Variants in SEMA3A observed in about 807,000 individuals in gnomAD.
The protein encoded by SEMA3A is semaphorin 3A.
SEMA3A carries 29 observed loss-of-function variants against 97.9 expected under a neutral mutation model. The ratio of observed to expected loss-of-function variants is 0.30; its 90% confidence interval spans 0.22 to 0.40. The LOEUF is 0.40. Among genes scored for constraint, SEMA3A ranks in the 10% least tolerant of loss-of-function variants. The pLI is 1.00. For synonymous variants in SEMA3A, 321 were observed against 323.7 expected, an observed-to-expected ratio of 0.99 and a Z score of 0.09; for missense variants, 763 against 951.3, an observed-to-expected ratio of 0.80 and a Z score of 2.60.
chr7:83,979,428 G>C (rs1337002279), intron 14 of SEMA3A, among the ~76,000 whole-genome samples: 2 of 151,986 alleles, frequency 1.3e-5, no homozygotes, highest in African/African-American at 4.8e-5. Flanking sequence ...CACGGTGTCG[G>C]GCTGAATTCC....
chr7:84,320,769 G>A (rs1292723851), intron 2 of SEMA3A, among the ~76,000 whole-genome samples: 1 of 152,052 alleles, frequency 6.6e-6, no homozygotes, highest in Non-Finnish European at 1.5e-5. Context: ...TGAGAGAGCA[G>A]GAGATTTGAA....
At chr7:84,471,759 C>A (rs1159571164) in intron 1 of SEMA3A, among the ~76,000 whole-genome samples, 1 of 152,202 alleles carries the variant, frequency 6.6e-6, no homozygotes, top group East Asian at 1.9e-4. Flanking sequence ...TCTAAACCAT[C>A]CATATTTCTG....
intron 1 of SEMA3A, among the ~76,000 whole-genome samples, chr7:84,468,393 C>T (rs759811520): frequency 4.6e-5 from 7 of 152,130 alleles, no homozygotes; most frequent in Non-Finnish European, 7.4e-5. Flanking sequence ...ATGGTTATAA[C>T]TACACTCCAT....
At chr7:84,335,584 GATC>G (rs1376185655) in intron 2 of SEMA3A, among the ~76,000 whole-genome samples, 1 of 152,086 alleles carries the variant, frequency 6.6e-6, no homozygotes, top group East Asian at 1.9e-4. Context: ...TTGGGAATTT[GATC>G]ATGTTATTTT....
intron 1 of SEMA3A, among the ~76,000 whole-genome samples, chr7:84,476,869 C>T (rs976806306): frequency 5.9e-5 from 9 of 151,528 alleles, no homozygotes; most frequent in South Asian, 2.1e-4. Flanking sequence ...GACATAACTA[C>T]GATTATTAAT....
chr7:84,345,068 G>C (rs1030569797), intron 2 of SEMA3A, among the ~76,000 whole-genome samples: 5 of 152,070 alleles, frequency 3.3e-5, no homozygotes, highest in Non-Finnish European at 7.3e-5. Context: ...GAAATATTGA[G>C]AGTTCAGTTC....
intron 3 of SEMA3A, among the ~76,000 whole-genome samples, chr7:84,295,238 C>T (rs1251368303): frequency 6.6e-6 from 1 of 151,830 alleles, no homozygotes; most frequent in Admixed American, 6.6e-5. Flanking sequence ...TCTCTTGGTT[C>T]AAAATAGACA....
chr7:84,208,447 CA>C (rs962258668), intron 3 of SEMA3A, among the ~76,000 whole-genome samples: 246 of 138,104 alleles, frequency 1.8e-3, no homozygotes, highest in African/African-American at 5.2e-3. Context: ...GACTCCGTCT[CA>C]AAAAAAAAAA....
rs1788277887 is a variant in SEMA3A at position 83,956,391 on chromosome 7, ATTTATTTGTAGAAT to A, written c.*4966_*4979del. ...CTGATGAAGTTAGCTTCCTCTAAATATTTATTTGTAGAATTCAGAGTTTCAGCTGACCTGTGCTG... is the reference window on the plus strand; with the variant it reads ...CTGATGAAGTTAGCTTCCTCTAAATATCAGAGTTTCAGCTGACCTGTGCTG... On this transcript the variant is annotated 3_prime_UTR_variant, in exon 17 of 17. Transcript: ENST00000265362. 1 of 152,120 alleles carries A rather than the reference ATTTATTTGTAGAAT, an allele frequency of 6.6e-6. No homozygotes were observed. The highest frequency in any genetic ancestry group is 2.4e-5 in the African/African-American group (1 of 41,416). 9.4% of individuals were successfully genotyped at this position (152,120 alleles called of 1,614,324 possible).
rs1798370034 is a variant in SEMA3A at position 84,201,993 on chromosome 7, A to G, written c.-82-7325T>C. Among the ~76,000 whole-genome samples, 5 of 152,190 alleles carry G rather than the reference A, an allele frequency of 3.3e-5. No individual in the cohort carries two copies. The South Asian group carries it at 8.3e-4, about 25-fold the overall frequency. Reference sequence around the variant, plus strand: ...TCCCAATGCAATTGTGTTCTCACATACACTTTGCCATCTCAACTAAAGCTT... The same window carrying G: ...TCCCAATGCAATTGTGTTCTCACATGCACTTTGCCATCTCAACTAAAGCTT... On this transcript the variant is annotated intron_variant, in intron 3 of 3. Transcript: ENST00000424555.
intron 2 of SEMA3A, among the ~76,000 whole-genome samples, chr7:84,307,717 C>T (rs1010513835): frequency 3.9e-5 from 6 of 152,160 alleles, no homozygotes; most frequent in Admixed American, 3.9e-4. Context: ...GCAGTAATTT[C>T]ATGACACTGT....
chr7:84,400,960 C>A (rs925395718), intron 1 of SEMA3A, among the ~76,000 whole-genome samples: 1 of 152,058 alleles, frequency 6.6e-6, no homozygotes, highest in Non-Finnish European at 1.5e-5. Flanking sequence ...AGAACTGGAA[C>A]AAGAAAAGGT....
At chr7:84,002,802 TAG>T (rs1491129259) in intron 11 of SEMA3A, among the ~76,000 whole-genome samples, 1 of 151,922 alleles carries the variant, frequency 6.6e-6, no homozygotes, top group South Asian at 2.1e-4. Context: ...ATGCATTTTA[TAG>T]AGATTTCAAA....
At chr7:84,282,203 G>A (rs1283778883) in intron 3 of SEMA3A, among the ~76,000 whole-genome samples, 6 of 151,908 alleles carry the variant, frequency 3.9e-5, no homozygotes, top group Non-Finnish European at 8.8e-5. Flanking sequence ...ATGATTTTTA[G>A]TCACTGCTGG....
At chr7:84,374,218 ATG>A (rs1803045203) in intron 1 of SEMA3A, among the ~76,000 whole-genome samples, 1 of 152,220 alleles carries the variant, frequency 6.6e-6, no homozygotes. Context: ...AAAAATGTGA[ATG>A]TGTGTATCCT....
chr7:84,313,329 C>CAT (rs1158335378), intron 2 of SEMA3A, among the ~76,000 whole-genome samples: 1,138 of 87,496 alleles, frequency 0.013, 46 homozygotes, highest in African/African-American at 0.051. Flanking sequence ...GTATATAATA[C>CAT]ATATATATAT....
rs1038790128 is a variant in SEMA3A at position 83,960,580 on chromosome 7, T to C, written c.*791A>G. 1.3e-5 allele frequency: 2 copies of C among 152,504 alleles called. No individual in the cohort carries two copies. Among genetic ancestry groups the C allele is most frequent in the African/African-American group, 2.4e-5 (1 of 41,428 alleles). The allele number at this position is 152,504 out of a possible 1,614,324, so 9.4% of individuals were successfully genotyped here. ...AATGTCATCTATCCCTCTTATAGAA[T>C]TGAAAATAAAATGTCCAAAGAAAGC... On this transcript the variant is annotated 3_prime_UTR_variant, in exon 17 of 17. Coordinates refer to ENST00000265362, the MANE Select transcript of SEMA3A (RefSeq NM_006080.3).
chr7:84,383,241 G>C (rs1424529031), intron 1 of SEMA3A, among the ~76,000 whole-genome samples: 1 of 151,966 alleles, frequency 6.6e-6, no homozygotes, highest in African/African-American at 2.4e-5. Flanking sequence ...AGTGTACTAA[G>C]CCAATGAACT....
chr7:83,982,601 AT>A (rs1179307894), intron 13 of SEMA3A, among the ~76,000 whole-genome samples: 1 of 152,214 alleles, frequency 6.6e-6, no homozygotes, highest in Non-Finnish European at 1.5e-5. Flanking sequence ...GAAACATGTA[AT>A]GTTTTCATAC....
Sources: allele counts gnomAD v4.1 joint callset (sites outside exome capture counted in the v4.1 genomes callset), GRCh38; gene constraint gnomAD v4.1.1; transcripts MANE v1.5; gene names NCBI Gene and HGNC (gene_info 2026-07-23, HGNC 2026-07-21).